LMBRD2: variants seen among roughly 807,000 people sequenced by gnomAD.
The protein encoded by LMBRD2 is LMBR1 domain containing 2.
Under a neutral mutation model 94.4 loss-of-function variants are expected in LMBRD2, and 55 were observed. The observed-to-expected ratio is 0.58, with a 90% CI of 0.47 to 0.73. The LOEUF is 0.73. LMBRD2 is among the 30% of genes least tolerant of loss of function. LMBRD2 has a pLI of 0.00. For synonymous variants in LMBRD2, 246 were observed against 272.4 expected, an observed-to-expected ratio of 0.90 and a Z score of 0.95; for missense variants, 640 against 831.9, an observed-to-expected ratio of 0.77 and a Z score of 2.84.
At chr5:36,118,742 C>T (rs910444455) in intron 9 of LMBRD2, among the ~76,000 whole-genome samples, 3 of 151,572 alleles carry the variant, frequency 2.0e-5, no homozygotes, top group African/African-American at 4.8e-5. Context: ...CCTCTGCCTC[C>T]GGGGTTTAAG....
chr5:36,150,364 C>G (rs1243357398), intron 1 of LMBRD2, among the ~76,000 whole-genome samples: 2 of 152,210 alleles, frequency 1.3e-5, no homozygotes, highest in African/African-American at 2.4e-5. Context: ...AGATCTATAT[C>G]TGAAGTGGGC....
Position 36,135,531 on chromosome 5 carries a change from T to C in LMBRD2, c.747+778A>G, listed in dbSNP as rs562790950. On this transcript the variant is annotated intron_variant, in intron 6 of 17. Transcript: ENST00000296603. ...TGGGATACAGCTGGAGAGCTAAACATAGGCCAAATTATTTTTCTGTAGGCT... is the reference window on the plus strand; with the variant it reads ...TGGGATACAGCTGGAGAGCTAAACACAGGCCAAATTATTTTTCTGTAGGCT... 1.1e-3 allele frequency among the ~76,000 whole-genome samples: 163 copies of C among 152,228 alleles called. 1 individual carries two copies. The highest frequency in any genetic ancestry group is 3.7e-3 in the African/African-American group (154 of 41,560).
intron 4 of LMBRD2, among the ~76,000 whole-genome samples, chr5:36,139,063 G>A (rs1744341223): frequency 6.6e-6 from 1 of 152,174 alleles, no homozygotes; most frequent in African/African-American, 2.4e-5. Context: ...GCCCTGCTCT[G>A]GGCATAGCTG....
intron 7 of LMBRD2, 48 bp downstream of exon 7, chr5:36,124,143 T>A: frequency 9.4e-7 from 1 of 1,067,990 alleles, no homozygotes; most frequent in Middle Eastern, 2.2e-4. Context: ...GGTATAATAT[T>A]ATATAAGTGT....
At position 36,137,400 on chromosome 5, in the gene LMBRD2, C is replaced by G; in HGVS notation, c.410G>C (p.Gly137Ala). Residue 137 changes from glycine to alanine, a missense_variant, in exon 5 of 18, where the codon GGG becomes GCG. Physicochemically the swap from Gly to Ala is moderately conservative, Grantham distance 60. Around this residue, in one of 2 missense-constraint regions of LMBRD2, gnomAD observed 457 missense variants for 642.8 expected, o/e 0.71. Transcript: ENST00000296603. ...TTTGATCTTTCCAGTGATGGAAAAC[C>G]CTCCTGATCTTGCATATGACTGCAT... Reference protein sequence around the residue: ...PFMQSYARSGGFSITGKIKTA... With the variant: ...PFMQSYARSGAFSITGKIKTA... 1 of 1,594,964 alleles carries G rather than the reference C, an allele frequency of 6.3e-7. No homozygotes were observed. The highest frequency in any genetic ancestry group is 1.1e-5 in the South Asian group (1 of 88,002).
At chr5:36,113,455 G>A (rs1214395330) in intron 13 of LMBRD2, among the ~76,000 whole-genome samples, 2 of 152,070 alleles carry the variant, frequency 1.3e-5, no homozygotes, top group African/African-American at 2.4e-5. Context: ...CTCGGTGTCT[G>A]AGGGGTTCTT....
intron 12 of LMBRD2, 141 bp downstream of exon 12, chr5:36,114,874 G>A: frequency 1.6e-6 from 1 of 638,114 alleles, no homozygotes; most frequent in African/African-American, 1.9e-5. Context: ...CTAGTCAATA[G>A]TAATACGTAT....
chr5:36,137,173 C>T, intron 5 of LMBRD2, 101 bp downstream of exon 5: 4 of 695,036 alleles, frequency 5.8e-6, no homozygotes, highest in South Asian at 3.4e-5. Context: ...CAATATATTT[C>T]TCAATGAAAT....
intron 4 of LMBRD2, among the ~76,000 whole-genome samples, chr5:36,138,431 T>G (rs1266731980): frequency 6.6e-6 from 1 of 152,310 alleles, no homozygotes; most frequent in South Asian, 2.1e-4. Context: ...CCCAAATATG[T>G]GAGCAAAGAG....
At chr5:36,106,508 C>CT (rs201602814) in intron 16 of LMBRD2, among the ~76,000 whole-genome samples, 35,428 of 131,850 alleles carry the variant, frequency 0.27, 5,226 homozygotes, top group Non-Finnish European at 0.38. Flanking sequence ...TTTTTTCTTT[C>CT]GTTTTTTTTT....
intron 16 of LMBRD2, among the ~76,000 whole-genome samples, chr5:36,105,863 G>A (rs528822654): frequency 5.3e-5 from 8 of 152,238 alleles, no homozygotes; most frequent in Non-Finnish European, 1.2e-4. Flanking sequence ...TCTCTATGTG[G>A]ATAGGGATTT....
chr5:36,145,445 C>T (rs1391156461), intron 1 of LMBRD2, among the ~76,000 whole-genome samples: 1 of 152,214 alleles, frequency 6.6e-6, no homozygotes, highest in African/African-American at 2.4e-5. Context: ...GGGCTGGTCT[C>T]GAACTCCTGA....
intron 1 of LMBRD2, chr5:36,147,877 T>G (rs570670037): frequency 2.3e-6 from 1 of 433,592 alleles, no homozygotes; most frequent in Non-Finnish European, 4.7e-6. Context: ...CCAAAGATTC[T>G]GAAACTGAAT....
chr5:36,136,231 C>A (rs1744266572), intron 6 of LMBRD2, 78 bp downstream of exon 6: 1 of 1,387,640 alleles, frequency 7.2e-7, no homozygotes, highest in South Asian at 1.2e-5. Context: ...GCACTAACAA[C>A]AACAACAAAC....
chr5:36,106,921 T>C (rs189136501), intron 16 of LMBRD2, among the ~76,000 whole-genome samples: 1 of 152,286 alleles, frequency 6.6e-6, no homozygotes, highest in Admixed American at 6.5e-5. Context: ...GGTTCTCTCA[T>C]GCCACAACGT....
Position 36,117,825 on chromosome 5 carries a change from C to T in LMBRD2, c.1212G>A (p.Glu404=). 2 of 1,613,882 alleles carry T rather than the reference C, an allele frequency of 1.2e-6. No individual in the cohort carries two copies. Among genetic ancestry groups the T allele is most frequent in the African/African-American group, 2.7e-5 (2 of 75,028 alleles). The part of the protein sequence containing the change: ...SIFSVIVVWS[E]CTFFSTTPVL... Reference sequence around the variant, plus strand: ...CAGGAGTAGTGCTAAAGAATGTGCACTCTGACCACACAACAATCACAGAGA... The same window carrying T: ...CAGGAGTAGTGCTAAAGAATGTGCATTCTGACCACACAACAATCACAGAGA... Residue 404 remains glutamate (E), a synonymous_variant, in exon 10 of 18, where the codon GAG becomes GAA. Coordinates refer to ENST00000296603, the MANE Select transcript of LMBRD2 (RefSeq NM_001007527.2).
chr5:36,110,137 T>C, intron 14 of LMBRD2, 146 bp from the exon 15 acceptor site: 1 of 625,318 alleles, frequency 1.6e-6, no homozygotes, highest in Non-Finnish European at 2.7e-6. Context: ...GGAAGGAATT[T>C]GAGAGGTTAC....
In LMBRD2 at chr5:36,141,182, G is replaced by A; in HGVS notation, c.293C>T (p.Pro98Leu). The change falls in exon 4 of 18, where the codon CCA (proline) becomes CTA (leucine). Residue 98 changes from proline (P) to leucine (L), a missense_variant. Physicochemically the swap from Pro to Leu is moderately conservative, Grantham distance 98 (BLOSUM62 -3). This residue lies in a region of LMBRD2 where 457 missense variants were observed against 642.8 expected (regional missense o/e 0.71). Transcript: ENST00000296603. ...PVPSQHPCFK[P>L]WSYIPDGIMP... ...GATTCCATCAGGAATGTAACTCCAT[G>A]GCTTGAAACAAGGATGCTGGCTGTT... 2 of 1,608,930 alleles carry A rather than the reference G, an allele frequency of 1.2e-6. No homozygotes were observed. Among genetic ancestry groups the A allele is most frequent in the Non-Finnish European group, 1.7e-6 (2 of 1,176,226 alleles).
Position 36,117,926 on chromosome 5 carries a change from A to G in LMBRD2, c.1121-10T>C. 2 of 1,577,254 alleles carry G rather than the reference A, an allele frequency of 1.3e-6. No individual in the cohort carries two copies. On this transcript the variant is annotated splice_polypyrimidine_tract_variant and intron_variant, in intron 9 of 17. Transcript: ENST00000296603. ...CATTCCCAGTACCATTCTAGAAGAC[A>G]AAAGAAAAAAATGATTAGGAAAACT...
Sources: gnomAD v4.1 joint callset for allele counts (sites outside exome capture counted in the v4.1 genomes callset) on GRCh38, gnomAD v4.1.1 for gene constraint, gnomAD v4.1.1 regional missense constraint, MANE v1.5 for transcripts, NCBI Gene and HGNC (gene_info 2026-07-23, HGNC 2026-07-21) for gene names.